FUT9: variants seen among roughly 807,000 people sequenced by gnomAD.
FUT9 encodes 4-galactosyl-N-acetylglucosaminide 3-alpha-L-fucosyltransferase 9.
A neutral mutation model predicts 29.7 loss-of-function variants in FUT9; 15 were observed. The observed-to-expected ratio is 0.51, with a 90% CI of 0.34 to 0.78. The LOEUF (loss-of-function observed/expected upper bound fraction) is 0.78. Ranked by LOEUF, FUT9 falls within the 30% of genes least tolerant of loss-of-function variation. The pLI, the probability that FUT9 is intolerant of heterozygous loss-of-function variation, is 0.01. For synonymous variants in FUT9, 169 were observed against 153.7 expected (o/e 1.10, Z -0.74); for missense variants, 319 against 425.4 (o/e 0.75, Z 2.20).
intron 1 of FUT9, among the ~76,000 whole-genome samples, chr6:96,103,631 C>A (rs554863756): frequency 6.6e-6 from 1 of 152,194 alleles, no homozygotes; most frequent in East Asian, 1.9e-4. Context: ...GGCAGCTTAA[C>A]TACAATCTCT....
At chr6:96,147,009 A>C (rs1196937949) in intron 2 of FUT9, among the ~76,000 whole-genome samples, 1 of 152,348 alleles carries the variant, frequency 6.6e-6, no homozygotes, top group East Asian at 1.9e-4. Flanking sequence ...GAAATTAAAT[A>C]GAAAGCAAAG....
intron 1 of FUT9, among the ~76,000 whole-genome samples, chr6:96,028,760 T>C (rs921347216): frequency 6.6e-6 from 1 of 151,626 alleles, no homozygotes; most frequent in Non-Finnish European, 1.5e-5. Context: ...TTTCAGAATA[T>C]TATATAATAA....
At chr6:96,036,384 C>A (rs775440653) in intron 1 of FUT9, among the ~76,000 whole-genome samples, 45 of 151,450 alleles carry the variant, frequency 3.0e-4, no homozygotes, top group Non-Finnish European at 2.1e-4. Flanking sequence ...AAACCAAGAG[C>A]AATGTTAATC....
chr6:96,198,978 C>T (rs1378418082), intron 2 of FUT9, among the ~76,000 whole-genome samples: 2 of 143,924 alleles, frequency 1.4e-5, no homozygotes, highest in African/African-American at 5.2e-5. Context: ...GAGGTAATCT[C>T]TTAACAGAAA....
chr6:96,120,269 C>CTTTTTTTT (rs11347804), intron 2 of FUT9, among the ~76,000 whole-genome samples: 5 of 91,464 alleles, frequency 5.5e-5, no homozygotes, highest in Admixed American at 3.0e-4. Context: ...TTTTTTCTTT[C>CTTTTTTTT]TTTTTTTTTT....
chr6:96,111,933 A>T (rs908125640), intron 1 of FUT9, among the ~76,000 whole-genome samples: 2 of 152,308 alleles, frequency 1.3e-5, no homozygotes, highest in Admixed American at 1.3e-4. Flanking sequence ...TTTATATGCA[A>T]TATTGTGTTT....
chr6:96,209,029 A>C lies in FUT9; in HGVS notation c.*4794A>C, dbSNP rs950007893. 6.0e-6 allele frequency: 1 copy of C among 166,760 alleles called. No homozygotes were observed. Among genetic ancestry groups the C allele is most frequent in the African/African-American group, 2.4e-5 (1 of 41,390 alleles). The allele number at this position is 166,760 out of a possible 1,614,324, so 10.3% of individuals were successfully genotyped here. A position where few individuals can be genotyped will look rare whatever the true frequency, so the allele number is the denominator to read the frequency against. ...ATATATCCATATTCATATGCATTTT[A>C]TAAAACAGTTAACAGAATCTAAATA... On this transcript the variant is annotated 3_prime_UTR_variant, in exon 3 of 3. Coordinates refer to ENST00000302103, the MANE Select transcript of FUT9 (RefSeq NM_006581.4).
chr6:96,064,349 G>C (rs1385825181), intron 1 of FUT9, among the ~76,000 whole-genome samples: 1 of 152,134 alleles, frequency 6.6e-6, no homozygotes, highest in African/African-American at 2.4e-5. Flanking sequence ...AGAGAGTATA[G>C]TAATGGATCA....
intron 1 of FUT9, among the ~76,000 whole-genome samples, chr6:96,077,479 T>C (rs1582214101): frequency 6.6e-6 from 1 of 152,190 alleles, no homozygotes; most frequent in East Asian, 1.9e-4. Context: ...AGCCTTTTAA[T>C]GTAATTTTTA....
chr6:96,070,743 T>C (rs1410115515), intron 1 of FUT9, among the ~76,000 whole-genome samples: 2 of 152,174 alleles, frequency 1.3e-5, no homozygotes, highest in Non-Finnish European at 2.9e-5. Context: ...AAATCATTAT[T>C]ATAAAATTTT....
chr6:96,131,833 T>G (rs887559875), intron 2 of FUT9, among the ~76,000 whole-genome samples: 1 of 152,100 alleles, frequency 6.6e-6, no homozygotes, highest in Admixed American at 6.6e-5. Flanking sequence ...GTAAACCATT[T>G]CTCTAACATG....
chr6:96,112,745 C>T (rs909687849), intron 1 of FUT9, among the ~76,000 whole-genome samples: 4 of 152,060 alleles, frequency 2.6e-5, no homozygotes, highest in African/African-American at 9.7e-5. Flanking sequence ...GTAAGAAGCC[C>T]CTTGGGTCTG....
intron 2 of FUT9, among the ~76,000 whole-genome samples, chr6:96,133,916 T>C (rs528798599): frequency 1.1e-4 from 17 of 152,000 alleles, no homozygotes; most frequent in African/African-American, 3.4e-4. Flanking sequence ...CTTTGTTTAA[T>C]GTTTTACTAT....
At position 96,133,182 on chromosome 6, in the gene FUT9, A is replaced by C. The variant is rs565633993; in HGVS notation, c.-9+19055A>C. ...TTTAGGGAAGGTATGGACCATTTGT[A>C]TGCGTGTGTACTGGGTAATAATATA... On this transcript the variant is annotated intron_variant, in intron 2 of 2. Transcript: ENST00000302103. Among the ~76,000 whole-genome samples, 36 of 152,014 alleles carry C rather than the reference A, an allele frequency of 2.4e-4. 1 individual carries two copies. Among genetic ancestry groups the C allele is most frequent in the African/African-American group, 8.4e-4 (35 of 41,510 alleles).
chr6:96,141,565 T>A (rs982756640), intron 2 of FUT9, among the ~76,000 whole-genome samples: 2 of 152,094 alleles, frequency 1.3e-5, no homozygotes, highest in African/African-American at 4.8e-5. Flanking sequence ...GAGAGGAAGG[T>A]GGAGCAGCAT....
At chr6:96,050,989 G>A (rs75435848) in intron 1 of FUT9, among the ~76,000 whole-genome samples, 2,984 of 141,974 alleles carry the variant, frequency 0.021, 96 homozygotes, top group African/African-American at 0.076. Flanking sequence ...CATTTGTGGC[G>A]TGGATCATGT....
rs1186611940 is a variant in FUT9 at position 96,211,118 on chromosome 6, A to G, written c.*6883A>G. ...AGCCGAAGGAACAACATTCAGCAAA[A>G]CGGAAACAAATAAATACAGCATGGA... is the stretch of plus-strand genomic sequence containing the variant. On this transcript the variant is annotated 3_prime_UTR_variant, in exon 3 of 3. Coordinates refer to ENST00000302103, the MANE Select transcript of FUT9 (RefSeq NM_006581.4). 1 of 166,900 alleles carries G rather than the reference A, an allele frequency of 6.0e-6. No homozygotes were observed. Among genetic ancestry groups the G allele is most frequent in the Non-Finnish European group, 1.5e-5 (1 of 68,016 alleles). The allele number at this position is 166,900 out of a possible 1,614,324, so 10.3% of individuals were successfully genotyped here.
At chr6:96,080,668 T>C (rs1771220921) in intron 1 of FUT9, among the ~76,000 whole-genome samples, 3 of 152,028 alleles carry the variant, frequency 2.0e-5, no homozygotes, top group Admixed American at 6.6e-5. Context: ...CTTCTTCCAT[T>C]TCAATCCACA....
intron 1 of FUT9, among the ~76,000 whole-genome samples, chr6:96,035,970 TAATAC>T (rs1395467770): frequency 1.5e-5 from 1 of 66,504 alleles, no homozygotes; most frequent in Non-Finnish European, 2.6e-5. Flanking sequence ...TAATATAATA[TAATAC>T]ATTATGTTTA....
Sources: gnomAD v4.1 joint callset for allele counts (sites outside exome capture counted in the v4.1 genomes callset) on GRCh38, gnomAD v4.1.1 for gene constraint, MANE v1.5 for transcripts, NCBI Gene and HGNC (gene_info 2026-07-23, HGNC 2026-07-21) for gene names.